The following SSR1 variants were observed in gnomAD, a reference collection of about 807,000 sequenced individuals.
The protein encoded by SSR1 is signal sequence receptor subunit 1.
In SSR1, 13 loss-of-function variants were observed where a neutral mutation model predicts 36.1. The observed-to-expected ratio is 0.36, with a 90% CI of 0.23 to 0.57. The LOEUF (loss-of-function observed/expected upper bound fraction) is 0.57, where lower values mean the gene tolerates loss of function less well. Among genes scored for constraint, SSR1 ranks in the 20% least tolerant of loss-of-function variants. SSR1 has a pLI of 0.81. For missense variants in SSR1, 291 were observed against 338.5 expected, an observed-to-expected ratio of 0.86 and a Z score of 1.10; for synonymous variants, 113 against 118.9, an observed-to-expected ratio of 0.95 and a Z score of 0.32.
At chr6:7,312,351 G>A (rs1424884228) in intron 1 of SSR1, among the ~76,000 whole-genome samples, 1 of 152,158 alleles carries the variant, frequency 6.6e-6, no homozygotes, top group Non-Finnish European at 1.5e-5. Context: ...TCCATGGAAA[G>A]ACAAGAAGAG....
intron 2 of SSR1, 112 bp downstream of exon 2, chr6:7,309,805 C>T: frequency 1.1e-6 from 1 of 923,892 alleles, no homozygotes; most frequent in South Asian, 1.4e-5. Context: ...GTCAATGAAA[C>T]CTTTTTCCTT....
At position 7,308,535 on chromosome 6, in the gene SSR1, G is replaced by C. The variant is rs530792945; in HGVS notation, c.192+1382C>G. On this transcript the variant is annotated intron_variant, in intron 2 of 7. Transcript: ENST00000244763. ...AAGCTGTGTAGGATGGATTATAGTCGTTCCAGAGAGGAAATAAAATTAACT... is the reference window on the plus strand; with the variant it reads ...AAGCTGTGTAGGATGGATTATAGTCCTTCCAGAGAGGAAATAAAATTAACT... 4.6e-5 allele frequency among the ~76,000 whole-genome samples: 7 copies of C among 152,268 alleles called. No individual in the cohort carries two copies. In the East Asian group the frequency reaches 1.3e-3, roughly 29 times the overall value.
chr6:7,282,109 C>G lies in SSR1; in HGVS notation c.*7755G>C, dbSNP rs1315515086. ...ACAAGTTGAGGCCGAGGAACTGAGG[C>G]TGAAGAAGGTTCTGGCAAGTGGAGA... On this transcript the variant is annotated 3_prime_UTR_variant, in exon 8 of 8. Transcript: ENST00000244763. The G allele has an allele frequency of 1.3e-5, 2 of 152,194 alleles. No homozygotes were observed. Among genetic ancestry groups the G allele is most frequent in the Non-Finnish European group, 2.9e-5 (2 of 68,110 alleles). 9.4% of individuals were successfully genotyped at this position (152,194 alleles called of 1,614,324 possible).
chr6:7,291,265 G>A (rs1353734743), intron 7 of SSR1, among the ~76,000 whole-genome samples: 1 of 152,008 alleles, frequency 6.6e-6, no homozygotes, highest in Non-Finnish European at 1.5e-5. Context: ...AGGTGTGGCA[G>A]TACACGCCTG....
chr6:7,292,325 A>G (rs553338937), intron 7 of SSR1, among the ~76,000 whole-genome samples: 1 of 149,030 alleles, frequency 6.7e-6, no homozygotes, highest in Non-Finnish European at 1.5e-5. Flanking sequence ...CCAGTTGCCT[A>G]AGTTCAGAAT....
intron 2 of SSR1, among the ~76,000 whole-genome samples, chr6:7,306,518 C>T (rs1250353803): frequency 1.3e-5 from 2 of 152,112 alleles, no homozygotes; most frequent in Non-Finnish European, 2.9e-5. Context: ...ACAAAAACCT[C>T]TCTCATTTCT....
chr6:7,298,552 T>C, intron 5 of SSR1, 195 bp downstream of exon 5: 1 of 531,002 alleles, frequency 1.9e-6, no homozygotes, highest in Non-Finnish European at 3.3e-6. Context: ...CTTCCATCAG[T>C]TTCAACTATC....
At chr6:7,307,499 A>G (rs1324264364) in intron 2 of SSR1, among the ~76,000 whole-genome samples, 1 of 152,230 alleles carries the variant, frequency 6.6e-6, no homozygotes, top group Admixed American at 6.5e-5. Flanking sequence ...CAAGGCTATC[A>G]AGGATCTAAC....
intron 6 of SSR1, chr6:7,297,066 C>A: frequency 3.5e-6 from 1 of 287,578 alleles, no homozygotes; most frequent in Non-Finnish European, 7.1e-6. Flanking sequence ...ACAAAACATA[C>A]AAAAATTAGC....
chr6:7,297,996 A>G lies in SSR1; in HGVS notation c.626T>C (p.Phe209Ser), dbSNP rs774044917. Residue 209 changes from phenylalanine to serine, a missense_variant, in exon 6 of 8, where the codon TTT (phenylalanine) becomes TCT (serine). Transcript: ENST00000244763. ...REDGLDGETI[F>S]MYMFLAGLGL... ...AAGACCAGCAAGGAACATATACATA[A>G]AGATTCTGGTACAAAAGGAGAAAAT... 6.2e-7 allele frequency: 1 copy of G among 1,612,684 alleles called. No individual in the cohort carries two copies. The highest frequency in any genetic ancestry group is 1.1e-5 in the South Asian group (1 of 91,014).
chr6:7,309,928 G>A lies in SSR1; in HGVS notation c.181C>T (p.Pro61Ser). Residue 61 changes from proline (P) to serine (S), a missense_variant, in exon 2 of 8, where the codon CCC becomes TCC. Transcript: ENST00000244763. ...TATGTAACACTAACCAAATCTGTGG[G>A]TTCATCTTCTTCTACCTCGGCTTCA... The part of the protein sequence containing the change: ...DDEAEVEEDE[P>S]TDLVEDKEEE... 6.2e-7 allele frequency: 1 copy of A among 1,612,182 alleles called. No homozygotes were observed. Among genetic ancestry groups the A allele is most frequent in the East Asian group, 2.2e-5 (1 of 44,834 alleles).
At chr6:7,308,037 T>C (rs1758109228) in intron 2 of SSR1, among the ~76,000 whole-genome samples, 1 of 152,254 alleles carries the variant, frequency 6.6e-6, no homozygotes, top group African/African-American at 2.4e-5. Flanking sequence ...ACTAGTCAAA[T>C]ATTTATTAAC....
rs1049568540 is a variant in SSR1 at position 7,289,697 on chromosome 6, T to C, written c.*167A>G. 9.4e-6 allele frequency: 6 copies of C among 636,886 alleles called. No individual in the cohort carries two copies. The African/African-American group carries it at 1.2e-4, about 13-fold the overall frequency. 39.5% of individuals were successfully genotyped at this position (636,886 alleles called of 1,614,324 possible). On this transcript the variant is annotated 3_prime_UTR_variant, in exon 8 of 8. Transcript: ENST00000244763. ...AAATTTGTTACTTTAGAAAAATGAA[T>C]GCAGTGCATTTTCAGCAATATTATC...
intron 1 of SSR1, 150 bp downstream of exon 1, chr6:7,312,892 A>G: frequency 1.3e-6 from 1 of 742,754 alleles, no homozygotes; most frequent in Non-Finnish European, 2.2e-6. Context: ...CCCTGCTGCT[A>G]CGAGCCTAGG....
intron 1 of SSR1, 121 bp downstream of exon 1, chr6:7,312,921 A>G: frequency 1.0e-6 from 1 of 993,140 alleles, no homozygotes. Flanking sequence ...GAGGGCGGAG[A>G]GAGGCCAGCG....
intron 7 of SSR1, among the ~76,000 whole-genome samples, chr6:7,293,421 A>G (rs555620931): frequency 1.3e-5 from 2 of 151,552 alleles, no homozygotes; most frequent in African/African-American, 2.4e-5. Context: ...TTAGCTCCTC[A>G]ATGATTTCCT....
chr6:7,302,517 G>A (rs9502592), intron 3 of SSR1, among the ~76,000 whole-genome samples: 70,591 of 152,022 alleles, frequency 0.46, 16,418 homozygotes, highest in East Asian at 0.57. Flanking sequence ...TGTAATCCCA[G>A]TACTTCAGGA....
At chr6:7,297,844 G>A in intron 6 of SSR1, 79 bp downstream of exon 6, 1 of 1,073,632 alleles carries the variant, frequency 9.3e-7, no homozygotes, top group Non-Finnish European at 1.4e-6. Flanking sequence ...GACAGTATGA[G>A]GCCGAAGAAC....
Position 7,298,800 on chromosome 6 carries a change from G to C in SSR1, c.567C>G (p.Val189=). The C allele has an allele frequency of 6.2e-7, 1 of 1,613,106 alleles. No homozygotes were observed. Among genetic ancestry groups the C allele is most frequent in the Non-Finnish European group, 8.5e-7 (1 of 1,179,688 alleles). The change falls in exon 5 of 8, where the codon GTC becomes GTG. Residue 189 remains valine (V), a synonymous_variant. Coordinates refer to ENST00000244763, the MANE Select transcript of SSR1 (RefSeq NM_003144.5). ...CAATAACTGTAACTGTTTGATTGAA[G>C]ACTGCATCTTGGAATACATTGCCCT... is the stretch of plus-strand genomic sequence containing the variant. The part of the protein sequence containing the change: ...DLNGNVFQDA[V]FNQTVTVIER...
Sources: allele counts gnomAD v4.1 joint callset (sites outside exome capture counted in the v4.1 genomes callset), GRCh38; gene constraint gnomAD v4.1.1; transcripts MANE v1.5; gene names NCBI Gene and HGNC (gene_info 2026-07-23, HGNC 2026-07-21).